The following ITIH5 variants were observed in gnomAD, a reference collection of about 807,000 sequenced individuals.
ITIH5 encodes inter-alpha-trypsin inhibitor heavy chain H5.
ITIH5 carries 65 observed loss-of-function variants against 77.5 expected under a neutral mutation model. The ratio of observed to expected loss-of-function variants is 0.84; its 90% CI spans 0.69 to 1.03. The LOEUF is 1.03. Among genes scored for constraint, ITIH5 ranks in the 50% least tolerant of loss-of-function variants. ITIH5 has a pLI of 0.00. For missense variants in ITIH5, 1,208 were observed against 1,213.1 expected, an observed-to-expected ratio of 1.00 and a Z score of 0.06; for synonymous variants, 525 against 494.3, an observed-to-expected ratio of 1.06 and a Z score of -0.82.
intron 1 of ITIH5, among the ~76,000 whole-genome samples, chr10:7,665,516 C>T (rs555124499): frequency 6.6e-6 from 1 of 152,340 alleles, no homozygotes; most frequent in Admixed American, 6.5e-5. Flanking sequence ...TGATCAGGGT[C>T]CCAGAGCTGA....
At chr10:7,624,421 C>T (rs747839493) in intron 5 of ITIH5, among the ~76,000 whole-genome samples, 20 of 151,940 alleles carry the variant, frequency 1.3e-4, no homozygotes, top group Non-Finnish European at 1.6e-4. Context: ...GCAGGAGAAT[C>T]ACTTGGACCC....
chr10:7,580,339 C>CA (rs776484048), intron 8 of ITIH5, among the ~76,000 whole-genome samples: 4 of 152,142 alleles, frequency 2.6e-5, no homozygotes, highest in Admixed American at 6.5e-5. Flanking sequence ...AGGCTGGTCT[C>CA]AAACTCCTGA....
At chr10:7,603,669 C>T (rs1049049694) in intron 7 of ITIH5, among the ~76,000 whole-genome samples, 1 of 152,102 alleles carries the variant, frequency 6.6e-6, no homozygotes, top group Non-Finnish European at 1.5e-5. Flanking sequence ...CTGCAAGCTC[C>T]GCCTCCCGGG....
At chr10:7,601,108 T>C (rs1024762522) in intron 7 of ITIH5, among the ~76,000 whole-genome samples, 1 of 152,198 alleles carries the variant, frequency 6.6e-6, no homozygotes, top group East Asian at 1.9e-4. Context: ...TAATTTTAAT[T>C]TGGCTCCCCT....
At chr10:7,634,070 C>T (rs529755747) in intron 5 of ITIH5, among the ~76,000 whole-genome samples, 1 of 109,224 alleles carries the variant, frequency 9.2e-6, no homozygotes, top group Admixed American at 1.5e-4. Context: ...GCCTGGGCGA[C>T]AGAGCAAGAC....
chr10:7,560,003 C>A lies in ITIH5; in HGVS notation c.*3080G>T, dbSNP rs577670767. The A allele has an allele frequency of 1.1e-3, 391 of 354,840 alleles. 1 individual carries two copies. The highest frequency in any genetic ancestry group is 8.1e-3 in the African/African-American group (370 of 45,524). The allele number at this position is 354,840 out of a possible 1,614,324, so 22.0% of individuals were successfully genotyped here. ...AGTAGCTGGAACTACAGGCACGCACCACCACGCCCAGCTAATTTTTGTATT... is the reference window on the plus strand; with the variant it reads ...AGTAGCTGGAACTACAGGCACGCACAACCACGCCCAGCTAATTTTTGTATT... On this transcript the variant is annotated 3_prime_UTR_variant, in exon 14 of 14. Transcript: ENST00000397146.
intron 5 of ITIH5, among the ~76,000 whole-genome samples, chr10:7,623,483 A>G (rs2131046813): frequency 6.6e-6 from 1 of 152,296 alleles, no homozygotes; most frequent in Middle Eastern, 3.4e-3. Context: ...ACACAGAGGC[A>G]ATGACGATGA....
intron 1 of ITIH5, among the ~76,000 whole-genome samples, chr10:7,662,187 G>A (rs544647898): frequency 1.1e-4 from 16 of 152,074 alleles, no homozygotes; most frequent in Non-Finnish European, 1.5e-4. Context: ...GTAAAGCCCC[G>A]TCTCTACAAA....
chr10:7,595,187 T>G (rs554207066), intron 7 of ITIH5, among the ~76,000 whole-genome samples: 232 of 152,002 alleles, frequency 1.5e-3, no homozygotes, highest in African/African-American at 5.5e-3. Flanking sequence ...CCACTACACT[T>G]CAGCCTGGGC....
intron 2 of ITIH5, among the ~76,000 whole-genome samples, chr10:7,653,886 G>A (rs1834139283): frequency 6.6e-6 from 1 of 152,208 alleles, no homozygotes; most frequent in Admixed American, 6.5e-5. Flanking sequence ...CAGATGCAGT[G>A]GCTCACGCCT....
intron 5 of ITIH5, among the ~76,000 whole-genome samples, chr10:7,627,161 A>G (rs569724282): frequency 5.5e-4 from 83 of 152,250 alleles, no homozygotes; most frequent in Admixed American, 1.9e-3. Flanking sequence ...AGGGGAGGGA[A>G]AGCATTAGGA....
intron 7 of ITIH5, among the ~76,000 whole-genome samples, chr10:7,595,663 C>A (rs572463419): frequency 6.6e-6 from 1 of 152,258 alleles, no homozygotes; most frequent in South Asian, 2.1e-4. Flanking sequence ...TAAGTAAGTC[C>A]TTTAATTTCT....
In ITIH5 at chr10:7,637,209, C is replaced by T. The variant is rs748414677; in HGVS notation, c.652+19G>A. On this transcript the variant is annotated intron_variant, in intron 5 of 13. Transcript: ENST00000397146. ...TGTTTTCACCACAGATCTGCACGAA[C>T]CCAGCACGCAGGACTCACCTTCCCC... The T allele has an allele frequency of 1.2e-6, 2 of 1,600,256 alleles. No individual in the cohort carries two copies. Among genetic ancestry groups the T allele is most frequent in the Non-Finnish European group, 8.5e-7 (1 of 1,177,650 alleles).
intron 11 of ITIH5, 91 bp downstream of exon 11, chr10:7,573,051 T>C (rs1034026911): frequency 8.1e-7 from 1 of 1,236,206 alleles, no homozygotes; most frequent in Non-Finnish European, 1.2e-6. Context: ...GTGCTGGGAT[T>C]ACAGGCGTGA....
Position 7,562,187 on chromosome 10 carries a change from C to G in ITIH5, c.*896G>C, listed in dbSNP as rs1564228726. On this transcript the variant is annotated 3_prime_UTR_variant, in exon 14 of 14. Transcript: ENST00000397146. ...ATGTAATTGATCACCTCCTGGATGA[C>G]CACAAGGAAAAAAGGTCTGGGAACT... 1 of 152,166 alleles carries G rather than the reference C, an allele frequency of 6.6e-6. No individual in the cohort carries two copies. Among genetic ancestry groups the G allele is most frequent in the Non-Finnish European group, 1.5e-5 (1 of 68,060 alleles). The allele number at this position is 152,166 out of a possible 1,614,324, so 9.4% of individuals were successfully genotyped here.
chr10:7,603,805 G>A (rs190492158), intron 7 of ITIH5, among the ~76,000 whole-genome samples: 5 of 152,196 alleles, frequency 3.3e-5, no homozygotes, highest in Admixed American at 1.3e-4. Flanking sequence ...GGATGGTCCC[G>A]ATCTCCTGAC....
intron 8 of ITIH5, among the ~76,000 whole-genome samples, chr10:7,581,200 C>T (rs1272166373): frequency 6.6e-6 from 1 of 152,162 alleles, no homozygotes; most frequent in Non-Finnish European, 1.5e-5. Flanking sequence ...ACGGAAGTTG[C>T]AGTGAGCCAA....
rs1314107686 is a variant in ITIH5, at chr10:7,576,874, C to T, written c.1557G>A (p.Val519=). 1 of 1,614,008 alleles carries T rather than the reference C, an allele frequency of 6.2e-7. No individual in the cohort carries two copies. Among genetic ancestry groups the T allele is most frequent in the Non-Finnish European group, 8.5e-7 (1 of 1,180,024 alleles). Residue 519 remains valine, a synonymous_variant, in exon 10 of 14, where the codon GTG becomes GTA. Transcript: ENST00000397146. The part of the protein sequence containing the change: ...GSEIIIAGKL[V]DRKLDHLHVE... ...CGTGCAGGTGATCCAGCTTCCTGTC[C>T]ACCAGCTTCCCCGCAATGATGATCT...
chr10:7,585,849 A>ATG, intron 8 of ITIH5, 52 bp downstream of exon 8: 1 of 1,470,796 alleles, frequency 6.8e-7, no homozygotes, highest in Non-Finnish European at 9.1e-7. Context: ...AACCAAAAAA[A>ATG]AAAACATTAT....
Sources: gnomAD v4.1 joint callset for allele counts (sites outside exome capture counted in the v4.1 genomes callset) on GRCh38, gnomAD v4.1.1 for gene constraint, MANE v1.5 for transcripts, NCBI Gene and HGNC (gene_info 2026-07-23, HGNC 2026-07-21) for gene names.